IL1RAPL1: variants seen among roughly 807,000 people sequenced by gnomAD.
IL1RAPL1 encodes the protein interleukin 1 receptor accessory protein like 1.
IL1RAPL1 carries 3 observed loss-of-function variants against 48.4 expected under a neutral mutation model. The observed-to-expected ratio is 0.06, with a 90% CI of 0.03 to 0.16. The LOEUF (loss-of-function observed/expected upper bound fraction) is 0.16, where lower values mean the gene tolerates loss of function less well. IL1RAPL1 is among the 10% of genes least tolerant of loss of function. IL1RAPL1 has a pLI of 1.00. For missense variants in IL1RAPL1, 349 were observed against 530.6 expected (o/e 0.66, Z 3.36); for synonymous variants, 185 against 187.7 (o/e 0.99, Z 0.12).
At chrX:28,889,996 C>G (rs1390226500) in intron 2 of IL1RAPL1, among the ~76,000 whole-genome samples, 1 of 111,612 alleles carries the variant, frequency 9.0e-6, no homozygotes, top group African/African-American at 3.2e-5. Flanking sequence ...TTCTCCTAAT[C>G]TCTGTAAACT....
intron 2 of IL1RAPL1, among the ~76,000 whole-genome samples, chrX:28,956,378 G>A (rs1377979457): frequency 9.1e-6 from 1 of 109,819 alleles, no homozygotes; most frequent in Non-Finnish European, 1.9e-5. Context: ...TGCCCATTCA[G>A]TATGATATTG....
intron 2 of IL1RAPL1, among the ~76,000 whole-genome samples, chrX:29,168,315 T>C (rs1473414327): frequency 4.7e-5 from 5 of 107,397 alleles, no homozygotes; most frequent in African/African-American, 1.3e-4. Context: ...TTTGTACCAA[T>C]TGACTAATAA....
intron 1 of IL1RAPL1, among the ~76,000 whole-genome samples, chrX:28,708,718 A>G (rs1935404245): frequency 9.0e-6 from 1 of 111,567 alleles, no homozygotes; most frequent in Non-Finnish European, 1.9e-5. Flanking sequence ...AAAGACAAAT[A>G]TCTCATGGTT....
chrX:28,964,414 C>G lies in IL1RAPL1; in HGVS notation c.82+174989C>G, dbSNP rs775470566. ...TATTCCATACGATGGATATATTTTC[C>G]ACTTAATCACGAAATTAACCATTCA... On this transcript the variant is annotated intron_variant, in intron 2 of 10. Coordinates refer to ENST00000378993, the MANE Select transcript of IL1RAPL1 (RefSeq NM_014271.4). Among the ~76,000 whole-genome samples, 45 of 111,529 alleles carry G rather than the reference C, an allele frequency of 4.0e-4. No homozygotes were observed. The Middle Eastern group carries it at 0.014, about 34-fold the overall frequency.
intron 2 of IL1RAPL1, among the ~76,000 whole-genome samples, chrX:28,799,347 A>T (rs900888707): frequency 2.8e-4 from 31 of 112,453 alleles, no homozygotes; most frequent in Non-Finnish European, 5.6e-5. Flanking sequence ...TTTAGATTTT[A>T]TCTTGAGAAC....
intron 6 of IL1RAPL1, among the ~76,000 whole-genome samples, chrX:29,685,677 T>C (rs1437399155): frequency 9.0e-6 from 1 of 110,532 alleles, no homozygotes; most frequent in African/African-American, 3.3e-5. Context: ...TTTCCAGTTG[T>C]GAAAATGATT....
chrX:29,897,290 G>T (rs185128917), intron 6 of IL1RAPL1, among the ~76,000 whole-genome samples: 74 of 110,633 alleles, frequency 6.7e-4, no homozygotes, highest in Middle Eastern at 4.6e-3. Context: ...ATAATAAAAA[G>T]AAATGACCAG....
chrX:28,782,213 G>C (rs1048311094), intron 1 of IL1RAPL1, among the ~76,000 whole-genome samples: 7 of 111,184 alleles, frequency 6.3e-5, no homozygotes, highest in Non-Finnish European at 1.3e-4. Context: ...TTGGAAATAT[G>C]TTTGCTAATT....
chrX:29,923,100 G>T (rs1601885479), intron 8 of IL1RAPL1, among the ~76,000 whole-genome samples: 1 of 111,972 alleles, frequency 8.9e-6, no homozygotes, highest in East Asian at 2.8e-4. Flanking sequence ...TGGGTGGTAT[G>T]GATTCTTTGA....
intron 6 of IL1RAPL1, among the ~76,000 whole-genome samples, chrX:29,900,094 G>A (rs1431022911): frequency 2.7e-4 from 30 of 111,438 alleles, no homozygotes; most frequent in African/African-American, 9.1e-4. Flanking sequence ...GAGACAAGCA[G>A]AGCAAACTTC....
chrX:29,824,989 AT>A (rs1930704250), intron 6 of IL1RAPL1, among the ~76,000 whole-genome samples: 1 of 110,631 alleles, frequency 9.0e-6, no homozygotes, highest in African/African-American at 3.3e-5. Context: ...GGGAAAAAAA[AT>A]AATGGAGTGT....
chrX:28,696,423 T>G (rs1454188), intron 1 of IL1RAPL1, among the ~76,000 whole-genome samples: 1,468 of 111,776 alleles, frequency 0.013, 29 homozygotes, highest in African/African-American at 0.046. Context: ...AGTTGTTAAT[T>G]GGTATAAAAA....
intron 2 of IL1RAPL1, among the ~76,000 whole-genome samples, chrX:29,077,131 G>A (rs1927695250): frequency 8.9e-6 from 1 of 112,238 alleles, no homozygotes; most frequent in Non-Finnish European, 1.9e-5. Flanking sequence ...CGAAGGCCAT[G>A]TTCAGGAATT....
chrX:28,820,295 A>G (rs1384685348), intron 2 of IL1RAPL1, among the ~76,000 whole-genome samples: 1 of 109,331 alleles, frequency 9.1e-6, no homozygotes, highest in Non-Finnish European at 1.9e-5. Context: ...TATTTTTGAA[A>G]ATGACCCTCA....
At chrX:29,594,537 A>G (rs1030693504) in intron 5 of IL1RAPL1, among the ~76,000 whole-genome samples, 5 of 111,706 alleles carry the variant, frequency 4.5e-5, no homozygotes, top group Non-Finnish European at 9.4e-5. Context: ...TACAATATAT[A>G]TATTCTTCAT....
At chrX:29,782,136 ATCT>A (rs1429294030) in intron 6 of IL1RAPL1, among the ~76,000 whole-genome samples, 1 of 109,141 alleles carries the variant, frequency 9.2e-6, no homozygotes, top group African/African-American at 3.4e-5. Context: ...CTATCTATCT[ATCT>A]ATCTATGTAC....
chrX:29,579,008 T>A (rs957564877), intron 5 of IL1RAPL1, among the ~76,000 whole-genome samples: 1 of 111,728 alleles, frequency 9.0e-6, no homozygotes, highest in Non-Finnish European at 1.9e-5. Context: ...CAGGATGGAC[T>A]GGCTGAGGCT....
chrX:28,747,962 C>T (rs1935998424), intron 1 of IL1RAPL1, among the ~76,000 whole-genome samples: 1 of 111,780 alleles, frequency 8.9e-6, no homozygotes, highest in Admixed American at 9.5e-5. Context: ...CATACTACCA[C>T]GTATTTTAAT....
chrX:29,827,638 A>C (rs1389584974), intron 6 of IL1RAPL1, among the ~76,000 whole-genome samples: 1 of 112,280 alleles, frequency 8.9e-6, no homozygotes, highest in Non-Finnish European at 1.9e-5. Context: ...TTTAATGCAC[A>C]AGAAGGTAAA....
Sources: allele counts gnomAD v4.1 joint callset (sites outside exome capture counted in the v4.1 genomes callset), GRCh38; gene constraint gnomAD v4.1.1; transcripts MANE v1.5; gene names NCBI Gene and HGNC (gene_info 2026-07-23, HGNC 2026-07-21).